KPNA1: variants seen among roughly 807,000 people sequenced by gnomAD.
KPNA1 encodes karyopherin subunit alpha 1.
A neutral mutation model predicts 70.5 loss-of-function variants in KPNA1; 10 were observed. That is an observed-to-expected ratio of 0.14 (90% confidence interval 0.09 to 0.24). The LOEUF is 0.24. Ranked by LOEUF, KPNA1 falls within the 10% of genes least tolerant of loss-of-function variation. The pLI, the probability that KPNA1 is intolerant of heterozygous loss-of-function variation, is 1.00. For synonymous variants in KPNA1, 192 were observed against 221.9 expected, an observed-to-expected ratio of 0.87 and a Z score of 1.20; for missense variants, 397 against 637.9, an observed-to-expected ratio of 0.62 and a Z score of 4.07.
At chr3:122,490,236 C>G (rs1347227176) in intron 2 of KPNA1, among the ~76,000 whole-genome samples, 1 of 152,230 alleles carries the variant, frequency 6.6e-6, no homozygotes, top group East Asian at 1.9e-4. Flanking sequence ...CTGGTCTTCA[C>G]AGACTCTGAG....
At chr3:122,480,971 A>G (rs546972005) in intron 2 of KPNA1, among the ~76,000 whole-genome samples, 2 of 152,348 alleles carry the variant, frequency 1.3e-5, no homozygotes, top group East Asian at 3.9e-4. Flanking sequence ...CCTAGGCAAT[A>G]GAGGGAGACC....
chr3:122,486,131 G>A (rs1011167022), intron 2 of KPNA1, among the ~76,000 whole-genome samples: 1 of 152,158 alleles, frequency 6.6e-6, no homozygotes, highest in Non-Finnish European at 1.5e-5. Context: ...ACACTTACCT[G>A]AGGGAAAAGA....
intron 6 of KPNA1, among the ~76,000 whole-genome samples, chr3:122,452,999 T>C (rs1576301779): frequency 6.6e-6 from 1 of 151,770 alleles, no homozygotes; most frequent in South Asian, 2.1e-4. Context: ...GAGGCTGGAG[T>C]GCGGTGGTGT....
chr3:122,437,102 G>T, intron 11 of KPNA1, 68 bp downstream of exon 11: 1 of 1,527,816 alleles, frequency 6.5e-7, no homozygotes, highest in Non-Finnish European at 9.0e-7. Context: ...GTTTTAAAGG[G>T]TGACTGAGAA....
chr3:122,461,388 C>T, intron 4 of KPNA1, 70 bp from the exon 5 acceptor site: 1 of 927,528 alleles, frequency 1.1e-6, no homozygotes. Context: ...CAGCTCAAAA[C>T]TTCTTAACAT....
At chr3:122,488,395 G>C (rs1357518967) in intron 2 of KPNA1, among the ~76,000 whole-genome samples, 1 of 152,028 alleles carries the variant, frequency 6.6e-6, no homozygotes, top group East Asian at 1.9e-4. Context: ...AGTGGTGCGT[G>C]CCTGCAGCCT....
At chr3:122,486,739 A>C (rs1040292953) in intron 2 of KPNA1, among the ~76,000 whole-genome samples, 1 of 152,068 alleles carries the variant, frequency 6.6e-6, no homozygotes, top group Non-Finnish European at 1.5e-5. Flanking sequence ...AGGCACCGCC[A>C]CCACGCCCGG....
intron 2 of KPNA1, among the ~76,000 whole-genome samples, chr3:122,492,061 C>T (rs998106220): frequency 3.3e-5 from 5 of 151,452 alleles, no homozygotes; most frequent in Non-Finnish European, 5.9e-5. Context: ...GGGGTTTCAC[C>T]GTGTTAGCCA....
chr3:122,438,075 T>C (rs1002689436), intron 10 of KPNA1, among the ~76,000 whole-genome samples: 15 of 152,220 alleles, frequency 9.9e-5, no homozygotes, highest in East Asian at 1.9e-4. Context: ...AAATCACATG[T>C]TGAATTGTAA....
In KPNA1 at chr3:122,425,785, A is replaced by G. The variant is rs2075815826; in HGVS notation, c.*1200T>C. The G allele has an allele frequency of 1.3e-5, 2 of 152,674 alleles. No individual in the cohort carries two copies. The highest frequency in any genetic ancestry group is 4.1e-4 in the South Asian group (2 of 4,834). The allele number at this position is 152,674 out of a possible 1,614,324, so 9.5% of individuals were successfully genotyped here. On this transcript the variant is annotated 3_prime_UTR_variant, in exon 14 of 14. Transcript: ENST00000344337. ...AAAATGATTAGGAAACAATGAGGTT[A>G]TAAGATCACTGTTCTTATTTGGGTT...
At chr3:122,476,672 T>C (rs747918848) in intron 2 of KPNA1, among the ~76,000 whole-genome samples, 2 of 151,670 alleles carry the variant, frequency 1.3e-5, no homozygotes, top group Non-Finnish European at 2.9e-5. Context: ...ATGCTCACCA[T>C]CACTCATCAC....
chr3:122,504,564 C>T (rs1023837289), intron 1 of KPNA1, among the ~76,000 whole-genome samples: 7 of 152,144 alleles, frequency 4.6e-5, no homozygotes, highest in African/African-American at 1.2e-4. Context: ...CATGTGGGGG[C>T]AAGGGGTTGA....
intron 1 of KPNA1, among the ~76,000 whole-genome samples, chr3:122,511,057 G>A (rs2076949474): frequency 6.6e-6 from 1 of 152,150 alleles, no homozygotes; most frequent in Non-Finnish European, 1.5e-5. Context: ...GAAGTAAGGC[G>A]AGTTACCCAA....
chr3:122,502,054 A>C (rs1478100195), intron 1 of KPNA1, among the ~76,000 whole-genome samples: 1 of 152,212 alleles, frequency 6.6e-6, no homozygotes, highest in African/African-American at 2.4e-5. Context: ...AGAATCACTA[A>C]TTTATAACAT....
chr3:122,441,667 C>T (rs1262676925), intron 10 of KPNA1, among the ~76,000 whole-genome samples: 1 of 151,692 alleles, frequency 6.6e-6, no homozygotes, highest in East Asian at 1.9e-4. Flanking sequence ...GTGGTGCGAT[C>T]TCGGCTCACT....
At chr3:122,474,057 A>G (rs532713827) in intron 2 of KPNA1, among the ~76,000 whole-genome samples, 1 of 152,206 alleles carries the variant, frequency 6.6e-6, no homozygotes, top group Non-Finnish European at 1.5e-5. Context: ...CCTATACACC[A>G]GCAATGAATA....
chr3:122,454,260 A>G (rs1445589452), intron 5 of KPNA1, among the ~76,000 whole-genome samples: 6 of 152,234 alleles, frequency 3.9e-5, no homozygotes, highest in Non-Finnish European at 8.8e-5. Context: ...AGAGTGTTAC[A>G]TATGCTGATA....
At chr3:122,427,213 A>C in intron 13 of KPNA1, 41 bp from the exon 14 acceptor site, 2 of 1,440,714 alleles carry the variant, frequency 1.4e-6, no homozygotes, top group Non-Finnish European at 1.9e-6. Flanking sequence ...TGAAAACTTC[A>C]ATAAATATTG....
At chr3:122,444,703 T>C (rs1388076394) in intron 9 of KPNA1, among the ~76,000 whole-genome samples, 1 of 152,172 alleles carries the variant, frequency 6.6e-6, no homozygotes, top group Non-Finnish European at 1.5e-5. Flanking sequence ...GGCAGCAATA[T>C]TTGCTGTTCT....
Sources: allele counts gnomAD v4.1 joint callset (sites outside exome capture counted in the v4.1 genomes callset), GRCh38; gene constraint gnomAD v4.1.1; transcripts MANE v1.5; gene names NCBI Gene and HGNC (gene_info 2026-07-23, HGNC 2026-07-21).